ACTN1: variants seen among roughly 807,000 people sequenced by gnomAD.
The protein encoded by ACTN1 is actinin alpha 1, also known as alpha-actinin-1.
Under a neutral mutation model 119.6 loss-of-function variants are expected in ACTN1, and 30 were observed. The ratio of observed to expected loss-of-function variants is 0.25; its 90% CI spans 0.19 to 0.34. ACTN1 has a LOEUF of 0.34. Among genes scored for constraint, ACTN1 ranks in the 10% least tolerant of loss-of-function variants. The probability of loss-of-function intolerance (pLI) is 1.00; values close to 1 mark genes in which losing one functional copy is unlikely to be tolerated. For missense variants in ACTN1, 764 were observed against 1,223.4 expected (o/e 0.62, Z 5.60); for synonymous variants, 429 against 472.6 (o/e 0.91, Z 1.20).
intron 1 of ACTN1, among the ~76,000 whole-genome samples, chr14:68,961,089 AC>A (rs1291378431): frequency 1.3e-5 from 2 of 151,938 alleles, no homozygotes; most frequent in Non-Finnish European, 2.9e-5. Context: ...ATAACAAAAA[AC>A]CCTGTTATAC....
chr14:68,885,581 T>G lies in ACTN1; in HGVS notation c.1235-6A>C. On this transcript the variant is annotated splice_region_variant and splice_polypyrimidine_tract_variant and intron_variant, in intron 11 of 21. Coordinates refer to ENST00000394419, the MANE Select transcript of ACTN1 (RefSeq NM_001130004.2). The surrounding 1 kb of genome is among the most constrained non-coding windows in gnomAD (Gnocchi z 5.6). ...TCGCAGCATGGCCTCTTTGCCTGGG[T>G]TGAGAGAGGGCCACATGGCTGAGCT... 1 of 1,611,792 alleles carries G rather than the reference T, an allele frequency of 6.2e-7. No individual in the cohort carries two copies. Among genetic ancestry groups the G allele is most frequent in the Non-Finnish European group, 8.5e-7 (1 of 1,179,858 alleles).
chr14:68,875,296 T>C (rs1466496402), intron 21 of ACTN1: 6 of 785,082 alleles, frequency 7.6e-6, no homozygotes, highest in Middle Eastern at 3.5e-4. Context: ...CCTATAATCA[T>C]CTTCTGAATC....
intron 1 of ACTN1, among the ~76,000 whole-genome samples, chr14:68,970,478 T>C (rs977616961): frequency 1.3e-5 from 2 of 152,218 alleles, no homozygotes; most frequent in East Asian, 3.8e-4. Context: ...CTCGGCTGCC[T>C]GGTTCAAAGC....
intron 6 of ACTN1, among the ~76,000 whole-genome samples, chr14:68,907,209 C>A (rs997935519): frequency 7.1e-5 from 10 of 140,566 alleles, no homozygotes; most frequent in African/African-American, 2.4e-4. Context: ...TTGCAGTGAG[C>A]CAAGATCACG....
At chr14:68,931,882 C>T (rs1319230809) in intron 1 of ACTN1, among the ~76,000 whole-genome samples, 2 of 152,018 alleles carry the variant, frequency 1.3e-5, no homozygotes, top group East Asian at 1.9e-4. Flanking sequence ...AGGCAGGGCT[C>T]GGCAAGGGCA....
intron 1 of ACTN1, among the ~76,000 whole-genome samples, chr14:68,957,127 A>G (rs2036375612): frequency 6.6e-6 from 1 of 152,194 alleles, no homozygotes; most frequent in South Asian, 2.1e-4. Context: ...GAAATTGGAA[A>G]ACTGAAAGCT....
intron 1 of ACTN1, among the ~76,000 whole-genome samples, chr14:68,951,905 C>A (rs958487450): frequency 6.6e-6 from 1 of 152,240 alleles, no homozygotes; most frequent in Non-Finnish European, 1.5e-5. Flanking sequence ...TATACTAATG[C>A]TGGCAAACAG....
intron 14 of ACTN1, 44 bp from the exon 15 acceptor site, chr14:68,883,099 C>CGCTA: frequency 6.3e-7 from 1 of 1,593,194 alleles, no homozygotes; most frequent in Non-Finnish European, 8.6e-7. Context: ...ACAAAGGGAG[C>CGCTA]GCTAGAAGTG....
At chr14:68,910,114 G>A (rs1213474419) in intron 4 of ACTN1, 72 bp from the exon 5 acceptor site, 3 of 1,321,518 alleles carry the variant, frequency 2.3e-6, no homozygotes, top group African/African-American at 2.9e-5. Context: ...GCTCACAGGA[G>A]GCCCCACTGT....
intron 1 of ACTN1, chr14:68,974,030 T>A (rs1310198182): frequency 6.6e-6 from 1 of 151,956 alleles, no homozygotes; most frequent in African/African-American, 2.4e-5. Context: ...CCTACCAACA[T>A]CTCTCTATGC....
chr14:68,959,519 C>G (rs941785522), intron 1 of ACTN1, among the ~76,000 whole-genome samples: 1 of 152,182 alleles, frequency 6.6e-6, no homozygotes, highest in Non-Finnish European at 1.5e-5. Flanking sequence ...CTTCCAAGTT[C>G]TCTTTTTGCT....
chr14:68,924,702 A>G lies in ACTN1; in HGVS notation c.220+856T>C, dbSNP rs1415503400. On this transcript the variant is annotated intron_variant, in intron 2 of 21. Coordinates refer to ENST00000394419, the MANE Select transcript of ACTN1 (RefSeq NM_001130004.2). ...GCCTTTGTGGGATCATCTAGGTGAG[A>G]GTTGACACAGGCCACACTGACACCA... is the stretch of plus-strand genomic sequence containing the variant. Among the ~76,000 whole-genome samples the G allele has an allele frequency of 2.0e-5, 3 of 152,220 alleles. No individual in the cohort carries two copies. The East Asian group carries it at 5.8e-4, about 29-fold the overall frequency.
intron 1 of ACTN1, among the ~76,000 whole-genome samples, chr14:68,938,843 G>A (rs1490489124): frequency 1.3e-5 from 2 of 152,224 alleles, no homozygotes; most frequent in Non-Finnish European, 2.9e-5. Context: ...AAGAAGTCCT[G>A]TTGTTTTTTT....
chr14:68,933,693 G>A (rs1297922720), intron 1 of ACTN1, among the ~76,000 whole-genome samples: 1 of 151,900 alleles, frequency 6.6e-6, no homozygotes, highest in Non-Finnish European at 1.5e-5. Flanking sequence ...ACAGAAATCT[G>A]AACTTATGCT....
intron 1 of ACTN1, among the ~76,000 whole-genome samples, chr14:68,946,356 CA>C (rs1487780913): frequency 2.6e-5 from 4 of 152,186 alleles, no homozygotes; most frequent in African/African-American, 7.2e-5. Flanking sequence ...AGGAAGCAGA[CA>C]AGGCAGTGGG....
Position 68,874,719 on chromosome 14 carries a change from G to T in ACTN1, c.*140C>A. ...TTTGTAAACTGTCACTTCGCGGGCA[G>T]GGAGGATCGATGCCACGTGGGCCCC... On this transcript the variant is annotated 3_prime_UTR_variant, in exon 22 of 22. Transcript: ENST00000394419. 1.3e-6 allele frequency: 1 copy of T among 798,240 alleles called. No homozygotes were observed. Among genetic ancestry groups the T allele is most frequent in the Non-Finnish European group, 1.8e-6 (1 of 562,526 alleles). The allele number at this position is 798,240 out of a possible 1,614,324, so 49.4% of individuals were successfully genotyped here.
In ACTN1 at chr14:68,878,526, G is replaced by A. The variant is rs766799727; in HGVS notation, c.2362-3C>T. ...GTGTCCATCATGCCTGTCTTCTTCT[G>A]TGGGGGGCAGTGGTACCAAGACACA... On this transcript the variant is annotated splice_polypyrimidine_tract_variant and splice_region_variant and intron_variant, in intron 19 of 21. Coordinates refer to ENST00000394419, the MANE Select transcript of ACTN1 (RefSeq NM_001130004.2). The surrounding 1 kb of genome is among the most constrained non-coding windows in gnomAD (Gnocchi z 4.4). 5 of 1,608,630 alleles carry A rather than the reference G, an allele frequency of 3.1e-6. No individual in the cohort carries two copies. The highest frequency in any genetic ancestry group is 4.2e-6 in the Non-Finnish European group (5 of 1,176,770).
chr14:68,922,009 C>A (rs765065403), intron 2 of ACTN1, among the ~76,000 whole-genome samples: 1 of 152,214 alleles, frequency 6.6e-6, no homozygotes, highest in Non-Finnish European at 1.5e-5. Flanking sequence ...CATCCAGGGG[C>A]CTCCTGAAAT....
intron 1 of ACTN1, among the ~76,000 whole-genome samples, chr14:68,951,548 C>A (rs1404002161): frequency 6.6e-6 from 1 of 152,238 alleles, no homozygotes; most frequent in Admixed American, 6.5e-5. Flanking sequence ...TCCTGACGTT[C>A]CCGCTGACTA....
Sources: allele counts gnomAD v4.1 joint callset (sites outside exome capture counted in the v4.1 genomes callset), GRCh38; gene constraint gnomAD v4.1.1; non-coding constraint Gnocchi (gnomAD v3.1); transcripts MANE v1.5; gene names NCBI Gene and HGNC (gene_info 2026-07-23, HGNC 2026-07-21).